RIC1: variants seen among roughly 807,000 people sequenced by gnomAD.
RIC1 encodes the protein guanine nucleotide exchange factor subunit RIC1.
A neutral mutation model predicts 169.0 loss-of-function variants in RIC1; 88 were observed. That is an observed-to-expected ratio of 0.52 (90% CI 0.44 to 0.62). RIC1 has a LOEUF of 0.62. RIC1 is among the 20% of genes least tolerant of loss of function. The pLI is 0.00. For missense variants in RIC1, 1,877 were observed against 1,725.5 expected (o/e 1.09, Z -1.56); for synonymous variants, 790 against 601.5 (o/e 1.31, Z -4.59).
intron 1 of RIC1, among the ~76,000 whole-genome samples, chr9:5,644,942 T>C (rs1818428777): frequency 6.6e-6 from 1 of 152,238 alleles, no homozygotes; most frequent in South Asian, 2.1e-4. Flanking sequence ...GTCTTATTTG[T>C]GGCTTTAATT....
intron 2 of RIC1, among the ~76,000 whole-genome samples, chr9:5,663,677 A>G (rs191814623): frequency 1.3e-5 from 2 of 152,190 alleles, no homozygotes; most frequent in Admixed American, 6.5e-5. Context: ...ATTTTCCTCC[A>G]TCCCTTTATT....
intron 6 of RIC1, among the ~76,000 whole-genome samples, chr9:5,730,499 G>C (rs1824304574): frequency 6.6e-6 from 1 of 152,100 alleles, no homozygotes; most frequent in Non-Finnish European, 1.5e-5. Flanking sequence ...AAAATTAAAG[G>C]GCAAATAATG....
intron 15 of RIC1, among the ~76,000 whole-genome samples, chr9:5,755,922 TTAAATAAATAAA>T (rs55944285): frequency 2.7e-5 from 4 of 148,300 alleles, no homozygotes; most frequent in South Asian, 2.2e-4. Flanking sequence ...GACCCCGTCT[TTAAATAAATAAA>T]TAAATAAATA....
chr9:5,768,247 C>G (rs1403128421), intron 21 of RIC1, among the ~76,000 whole-genome samples: 3 of 152,166 alleles, frequency 2.0e-5, no homozygotes, highest in African/African-American at 7.2e-5. Flanking sequence ...GGTTTCAGGA[C>G]TGGCAAGGTG....
At chr9:5,670,712 A>G (rs185306272) in intron 2 of RIC1, among the ~76,000 whole-genome samples, 8 of 152,376 alleles carry the variant, frequency 5.3e-5, no homozygotes, top group African/African-American at 1.9e-4. Context: ...CTGCCTGAAT[A>G]CAATTGATTT....
chr9:5,709,299 A>G (rs187196873), intron 3 of RIC1, among the ~76,000 whole-genome samples: 20 of 152,212 alleles, frequency 1.3e-4, no homozygotes, highest in African/African-American at 4.8e-4. Context: ...TCCATCCCCA[A>G]TCCATTCCTT....
At chr9:5,723,122 G>C (rs1234849299) in intron 6 of RIC1, among the ~76,000 whole-genome samples, 1 of 152,216 alleles carries the variant, frequency 6.6e-6, no homozygotes, top group Non-Finnish European at 1.5e-5. Context: ...GATCCTTGAA[G>C]AATCGCCACA....
intron 6 of RIC1, among the ~76,000 whole-genome samples, chr9:5,728,069 G>A (rs1318340072): frequency 6.6e-6 from 1 of 152,232 alleles, no homozygotes; most frequent in Non-Finnish European, 1.5e-5. Context: ...TCTCTTCAAA[G>A]CTGTTAGACA....
chr9:5,669,969 G>A (rs1351314060), intron 2 of RIC1, among the ~76,000 whole-genome samples: 2 of 152,178 alleles, frequency 1.3e-5, no homozygotes, highest in South Asian at 2.1e-4. Flanking sequence ...ATAAGGAAAT[G>A]CACAGATGGA....
intron 3 of RIC1, among the ~76,000 whole-genome samples, chr9:5,702,958 C>T (rs902361896): frequency 3.3e-5 from 5 of 152,190 alleles, no homozygotes; most frequent in Non-Finnish European, 5.9e-5. Flanking sequence ...GCCCCACCTC[C>T]AACGTTGGGG....
At chr9:5,748,246 C>G (rs1413160269) in intron 12 of RIC1, among the ~76,000 whole-genome samples, 2 of 152,148 alleles carry the variant, frequency 1.3e-5, no homozygotes, top group East Asian at 3.8e-4. Context: ...AAAGCCCACT[C>G]TTAGTTTCTT....
Position 5,727,522 on chromosome 9 carries a change from G to A in RIC1, c.721-4866G>A, listed in dbSNP as rs569226897. Reference sequence around the variant, plus strand: ...TTGGAGAAGTTTGTTATTACTGATCGTCTGAAGCCTTCTTCTCTCAACTCA... The same window carrying A: ...TTGGAGAAGTTTGTTATTACTGATCATCTGAAGCCTTCTTCTCTCAACTCA... On this transcript the variant is annotated intron_variant, in intron 6 of 25. Transcript: ENST00000414202. 1.5e-4 allele frequency among the ~76,000 whole-genome samples: 23 copies of A among 152,160 alleles called. No individual in the cohort carries two copies. The South Asian group carries it at 4.2e-3, about 27-fold the overall frequency.
At chr9:5,755,138 C>T (rs187764803) in intron 15 of RIC1, among the ~76,000 whole-genome samples, 3 of 152,214 alleles carry the variant, frequency 2.0e-5, no homozygotes, top group Non-Finnish European at 2.9e-5. Flanking sequence ...TTTAAGATAA[C>T]CTTTTCTAAG....
intron 1 of RIC1, among the ~76,000 whole-genome samples, chr9:5,647,611 C>A (rs1056674663): frequency 1.3e-5 from 2 of 152,130 alleles, no homozygotes; most frequent in African/African-American, 4.8e-5. Context: ...CTGCAGTTTT[C>A]CTGAATTCAT....
intron 3 of RIC1, among the ~76,000 whole-genome samples, chr9:5,711,458 C>T (rs1034469790): frequency 6.6e-6 from 1 of 152,176 alleles, no homozygotes; most frequent in South Asian, 2.1e-4. Context: ...TCATCAAATA[C>T]TCAGTCTGTG....
rs375146459 is a variant in RIC1, at chr9:5,774,073, C to G, written c.4099C>G (p.Pro1367Ala). 84 of 1,613,920 alleles carry G rather than the reference C, an allele frequency of 5.2e-5. No homozygotes were observed. Among genetic ancestry groups the G allele is most frequent in the Non-Finnish European group, 6.7e-5 (79 of 1,179,992 alleles). The change falls in exon 26 of 26, where the codon CCA becomes GCA. Residue 1367 changes from proline to alanine, a missense_variant. Physicochemically the swap from Pro to Ala is conservative, Grantham distance 27. Transcript: ENST00000414202. ...AFQPITMGKT[P>A]EQTSPRAEES... ...CCAACCAATAACTATGGGTAAGACT[C>G]CAGAACAGACTAGCCCCCGGGCAGA...
chr9:5,638,285 A>G (rs1818072280), intron 1 of RIC1, among the ~76,000 whole-genome samples: 1 of 152,198 alleles, frequency 6.6e-6, no homozygotes, highest in Non-Finnish European at 1.5e-5. Context: ...AGTGTTCATC[A>G]GAAATATTGA....
intron 4 of RIC1, chr9:5,719,129 A>G (rs1823440020): frequency 6.6e-6 from 1 of 152,088 alleles, no homozygotes; most frequent in Non-Finnish European, 1.5e-5. Flanking sequence ...TCTTTCTTAA[A>G]TTCATCTTAC....
chr9:5,659,591 T>C (rs1409910685), intron 2 of RIC1, among the ~76,000 whole-genome samples: 7 of 152,182 alleles, frequency 4.6e-5, no homozygotes, highest in African/African-American at 1.7e-4. Context: ...AGAGACTGCA[T>C]TGAATCTGTA....
Sources: allele counts gnomAD v4.1 joint callset (sites outside exome capture counted in the v4.1 genomes callset), GRCh38; gene constraint gnomAD v4.1.1; transcripts MANE v1.5; gene names NCBI Gene and HGNC (gene_info 2026-07-23, HGNC 2026-07-21).